GYPE: variants seen among roughly 807,000 people sequenced by gnomAD.
GYPE encodes the protein glycophorin-E.
Under a neutral mutation model 11.6 loss-of-function variants are expected in GYPE, and 8 were observed. The observed-to-expected ratio is 0.69, with a 90% CI of 0.41 to 1.25. The LOEUF (loss-of-function observed/expected upper bound fraction) is 1.25. Ranked by LOEUF, GYPE falls within the 50% of genes most tolerant of loss-of-function variation. The pLI is 0.01. For missense variants in GYPE, 90 were observed against 92.8 expected (o/e 0.97, Z 0.12); for synonymous variants, 28 against 29.6 (o/e 0.94, Z 0.18).
chr4:143,902,280 T>G (rs1400455188), intron 1 of GYPE, among the ~76,000 whole-genome samples: 1 of 150,608 alleles, frequency 6.6e-6, no homozygotes, highest in Non-Finnish European at 1.5e-5. Flanking sequence ...ATACAGTTCC[T>G]GTAACTCTTT....
Position 143,874,311 on chromosome 4 carries a change from C to T in GYPE, c.*10-2059G>A, listed in dbSNP as rs183796477. ...TCCCCCATCCCACAGCCCCCTCACC[C>T]ACAGAAAGAACTTTTAATGTAGAAC... On this transcript the variant is annotated intron_variant, in intron 3 of 3. Coordinates refer to ENST00000358615, the MANE Select transcript of GYPE (RefSeq NM_198682.3). Among the ~76,000 whole-genome samples, 45 of 152,140 alleles carry T rather than the reference C, an allele frequency of 3.0e-4. No homozygotes were observed. The East Asian group carries it at 7.9e-3, about 27-fold the overall frequency.
chr4:143,903,285 T>C (rs1270256279), intron 1 of GYPE, among the ~76,000 whole-genome samples: 4 of 151,342 alleles, frequency 2.6e-5, no homozygotes, highest in Non-Finnish European at 5.9e-5. Context: ...CCAACCTCCG[T>C]GTATCCTCCA....
intron 1 of GYPE, among the ~76,000 whole-genome samples, chr4:143,904,005 A>T (rs1159458141): frequency 1.3e-5 from 2 of 152,146 alleles, no homozygotes; most frequent in African/African-American, 4.8e-5. Flanking sequence ...TAGCACTTCA[A>T]ATATATGAAT....
intron 1 of GYPE, among the ~76,000 whole-genome samples, chr4:143,898,544 C>A (rs1373112899): frequency 6.6e-6 from 1 of 151,876 alleles, no homozygotes; most frequent in Non-Finnish European, 1.5e-5. Context: ...CATTTTAGCC[C>A]AATAATATAG....
chr4:143,874,805 T>C (rs1456247330), intron 3 of GYPE, among the ~76,000 whole-genome samples: 1 of 152,184 alleles, frequency 6.6e-6, no homozygotes. Context: ...TGCTGTGTCC[T>C]GGAGGTGATG....
At chr4:143,881,924 A>C (rs967367485) in intron 1 of GYPE, among the ~76,000 whole-genome samples, 13 of 152,194 alleles carry the variant, frequency 8.5e-5, no homozygotes, top group Admixed American at 2.6e-4. Flanking sequence ...CCTGGAGAGC[A>C]CACAAACAAC....
At chr4:143,882,966 G>T (rs1049785743) in intron 1 of GYPE, among the ~76,000 whole-genome samples, 1 of 152,118 alleles carries the variant, frequency 6.6e-6, no homozygotes, top group Non-Finnish European at 1.5e-5. Context: ...AATTCTTATG[G>T]AGAAAGAATT....
chr4:143,882,059 G>C (rs1744040291), intron 1 of GYPE, among the ~76,000 whole-genome samples: 1 of 152,102 alleles, frequency 6.6e-6, no homozygotes, highest in Non-Finnish European at 1.5e-5. Context: ...ATGATCTATT[G>C]TTCCTAAACT....
chr4:143,875,437 G>T, intron 3 of GYPE: 2 of 1,550,040 alleles, frequency 1.3e-6, no homozygotes, highest in Non-Finnish European at 8.7e-7. Flanking sequence ...CAGCCAGTTT[G>T]CATAAGCAAG....
chr4:143,889,280 C>T (rs1221594847), intron 1 of GYPE, among the ~76,000 whole-genome samples: 2 of 152,024 alleles, frequency 1.3e-5, no homozygotes, highest in Non-Finnish European at 2.9e-5. Context: ...ATTGCTGAGA[C>T]AGCAGAGGTG....
intron 1 of GYPE, among the ~76,000 whole-genome samples, chr4:143,897,747 G>T (rs1744711053): frequency 6.6e-6 from 1 of 151,966 alleles, no homozygotes; most frequent in Non-Finnish European, 1.5e-5. Flanking sequence ...ATTGACCAGT[G>T]GCTCATGCAC....
intron 3 of GYPE, among the ~76,000 whole-genome samples, chr4:143,875,117 C>T (rs7674831): frequency 0.25 from 38,428 of 151,940 alleles, 5,059 homozygotes; most frequent in East Asian, 0.37. Flanking sequence ...TCTTTTCCAA[C>T]ATATTTCACA....
chr4:143,872,472 A>G (rs535950133), intron 3 of GYPE, among the ~76,000 whole-genome samples: 6 of 152,218 alleles, frequency 3.9e-5, no homozygotes, highest in African/African-American at 1.4e-4. Flanking sequence ...AACCAGTTAT[A>G]CAAATAAAGA....
At chr4:143,872,971 G>C (rs1351022921) in intron 3 of GYPE, among the ~76,000 whole-genome samples, 1 of 152,082 alleles carries the variant, frequency 6.6e-6, no homozygotes, top group Non-Finnish European at 1.5e-5. Context: ...TTCTGGTGCA[G>C]TGAAAAACCT....
At chr4:143,876,949 C>T (rs1743839484) in intron 2 of GYPE, 94 bp from the exon 3 acceptor site, 2 of 738,600 alleles carry the variant, frequency 2.7e-6, no homozygotes, top group South Asian at 3.0e-5. Flanking sequence ...ATAACATCAC[C>T]TTGCCTTTTA....
intron 2 of GYPE, among the ~76,000 whole-genome samples, chr4:143,877,268 G>A (rs1434108858): frequency 3.9e-5 from 6 of 152,136 alleles, no homozygotes; most frequent in African/African-American, 1.4e-4. Context: ...GCATTGAACA[G>A]ATCATAGAAT....
intron 1 of GYPE, among the ~76,000 whole-genome samples, chr4:143,894,757 A>C (rs2149913572): frequency 6.6e-6 from 1 of 152,302 alleles, no homozygotes; most frequent in East Asian, 1.9e-4. Flanking sequence ...AATCCTCAAT[A>C]AAATCCTGGC....
chr4:143,883,221 C>CT (rs1489467230), intron 1 of GYPE, among the ~76,000 whole-genome samples: 1 of 152,048 alleles, frequency 6.6e-6, no homozygotes, highest in African/African-American at 2.4e-5. Context: ...TCTCCCGACT[C>CT]TCTCTCTTGC....
intron 1 of GYPE, among the ~76,000 whole-genome samples, chr4:143,898,922 C>G (rs1265307008): frequency 1.3e-5 from 2 of 149,734 alleles, no homozygotes; most frequent in Non-Finnish European, 3.0e-5. Flanking sequence ...TCTCTATTCT[C>G]AGTTGCCTCA....
Sources: allele counts gnomAD v4.1 joint callset (sites outside exome capture counted in the v4.1 genomes callset), GRCh38; gene constraint gnomAD v4.1.1; transcripts MANE v1.5; gene names NCBI Gene and HGNC (gene_info 2026-07-23, HGNC 2026-07-21).